The following PLAC1 variants were observed in gnomAD, a reference collection of about 807,000 sequenced individuals.
The protein encoded by PLAC1 is placenta associated 1.
For missense variants in PLAC1, 136 were observed against 163.2 expected (o/e 0.83, Z 0.91); for synonymous variants, 68 against 62.1 (o/e 1.09, Z -0.44).
Position 134,567,363 on chromosome X carries a change from T to C in PLAC1, c.-58-623A>G, listed in dbSNP as rs185397720. ...CCAATAGAGTCCCTGATAAATTCTT[T>C]AGGACACCTTGTAAAATACTAAAAT... On this transcript the variant is annotated intron_variant, in intron 2 of 2. Transcript: ENST00000359237. Among the ~76,000 whole-genome samples the C allele has an allele frequency of 5.3e-5, 6 of 112,586 alleles. 1 individual carries two copies. The highest frequency in any genetic ancestry group is 1.6e-4 in the African/African-American group (5 of 31,055).
chrX:134,693,332 C>T (rs1041340703), intron 2 of PLAC1, among the ~76,000 whole-genome samples: 1 of 111,866 alleles, frequency 8.9e-6, no homozygotes, highest in African/African-American at 3.3e-5. Context: ...CAGTTATGTA[C>T]GTTATAACAC....
chrX:134,664,764 A>G (rs1012193468), intron 2 of PLAC1, among the ~76,000 whole-genome samples: 1 of 111,846 alleles, frequency 8.9e-6, no homozygotes, highest in Non-Finnish European at 1.9e-5. Context: ...GAAGGTGGAA[A>G]TGGTGGTGGA....
intron 2 of PLAC1, among the ~76,000 whole-genome samples, chrX:134,675,192 T>C (rs2078469094): frequency 1.8e-5 from 2 of 112,184 alleles, no homozygotes; most frequent in South Asian, 7.5e-4. Context: ...AGTTGGCTCA[T>C]AATTAAGAAG....
intron 2 of PLAC1, among the ~76,000 whole-genome samples, chrX:134,567,811 A>AGG (rs2077885328): frequency 1.3e-5 from 1 of 75,156 alleles, no homozygotes; most frequent in African/African-American, 5.6e-5. Flanking sequence ...AGAGAGAGAG[A>AGG]GAGGGAGGGA....
intron 1 of PLAC1, chrX:134,651,211 C>A: frequency 4.5e-6 from 1 of 222,426 alleles, no homozygotes; most frequent in Non-Finnish European, 9.1e-6. Context: ...GCGTACCATG[C>A]GATCTTGAGG....
intron 1 of PLAC1, among the ~76,000 whole-genome samples, chrX:134,652,291 T>C (rs1428249885): frequency 8.9e-6 from 1 of 112,142 alleles, no homozygotes; most frequent in Non-Finnish European, 1.9e-5. Flanking sequence ...AGGCTGCCCT[T>C]TTCTTCTCTG....
chrX:134,736,797 G>A (rs1302339730), intron 1 of PLAC1, among the ~76,000 whole-genome samples: 1 of 112,353 alleles, frequency 8.9e-6, no homozygotes, highest in Non-Finnish European at 1.9e-5. Context: ...AGACCTCTGG[G>A]AAGCTCCCCT....
At chrX:134,752,934 T>A (rs368987003) in intron 1 of PLAC1, among the ~76,000 whole-genome samples, 1 of 111,451 alleles carries the variant, frequency 9.0e-6, no homozygotes, top group East Asian at 2.8e-4. Context: ...CAAAAATAAC[T>A]CCCAAAGTGA....
chrX:134,629,479 G>A (rs2078250247), intron 1 of PLAC1, among the ~76,000 whole-genome samples: 1 of 111,323 alleles, frequency 9.0e-6, no homozygotes, highest in African/African-American at 3.3e-5. Flanking sequence ...GCTGACTGTT[G>A]AGTATCAATA....
chrX:134,706,690 C>G (rs757005904), intron 2 of PLAC1, among the ~76,000 whole-genome samples: 2 of 110,689 alleles, frequency 1.8e-5, no homozygotes, highest in South Asian at 7.6e-4. Context: ...GCACTTGAAA[C>G]AAAGGGCAAA....
chrX:134,621,889 C>T (rs1038964734), intron 1 of PLAC1, among the ~76,000 whole-genome samples: 1 of 111,851 alleles, frequency 8.9e-6, no homozygotes, highest in Non-Finnish European at 1.9e-5. Context: ...AAAATGATAA[C>T]GTTACTCCAG....
At chrX:134,675,124 T>C (rs1420926147) in intron 2 of PLAC1, among the ~76,000 whole-genome samples, 2 of 112,063 alleles carry the variant, frequency 1.8e-5, no homozygotes, top group Non-Finnish European at 3.8e-5. Context: ...CTAGGATCAG[T>C]GGGCTTTGTT....
At chrX:134,650,523 C>T (rs976736013) in intron 1 of PLAC1, among the ~76,000 whole-genome samples, 4 of 111,007 alleles carry the variant, frequency 3.6e-5, no homozygotes, top group Non-Finnish European at 5.7e-5. Context: ...ATTCTCTGAC[C>T]CCCTCAAAAT....
chrX:134,743,904 A>G (rs1330146500), intron 1 of PLAC1, among the ~76,000 whole-genome samples: 1 of 112,621 alleles, frequency 8.9e-6, no homozygotes, highest in East Asian at 2.8e-4. Context: ...TGAATACTGA[A>G]TAAGGACATC....
chrX:134,623,140 T>C (rs1415357481), intron 1 of PLAC1, among the ~76,000 whole-genome samples: 5 of 112,368 alleles, frequency 4.4e-5, no homozygotes, highest in Non-Finnish European at 9.4e-5. Context: ...GAGCACACTT[T>C]CCCTCTCGTC....
intron 2 of PLAC1, among the ~76,000 whole-genome samples, chrX:134,690,338 C>A (rs893991618): frequency 8.9e-6 from 1 of 112,245 alleles, no homozygotes; most frequent in African/African-American, 3.2e-5. Context: ...GTGCCTCCCA[C>A]TCTTCCAGAA....
intron 2 of PLAC1, among the ~76,000 whole-genome samples, chrX:134,718,513 C>T (rs1458955368): frequency 8.9e-6 from 1 of 112,251 alleles, no homozygotes; most frequent in African/African-American, 3.2e-5. Flanking sequence ...GACAGGATAA[C>T]TTAGGGAGGC....
At chrX:134,710,337 G>A (rs970008993) in intron 2 of PLAC1, among the ~76,000 whole-genome samples, 22 of 111,829 alleles carry the variant, frequency 2.0e-4, no homozygotes, top group African/African-American at 5.5e-4. Context: ...TCAATGGTAT[G>A]GTGTCATGGG....
chrX:134,702,633 A>T (rs914493972), intron 2 of PLAC1, among the ~76,000 whole-genome samples: 1 of 111,989 alleles, frequency 8.9e-6, no homozygotes, highest in African/African-American at 3.2e-5. Flanking sequence ...GGGTTGAAAA[A>T]TTGTTGGGTA....
Sources: allele counts gnomAD v4.1 joint callset (sites outside exome capture counted in the v4.1 genomes callset), GRCh38; gene constraint gnomAD v4.1.1; transcripts MANE v1.5; gene names NCBI Gene and HGNC (gene_info 2026-07-23, HGNC 2026-07-21).